AK9: variants seen among roughly 807,000 people sequenced by gnomAD.
AK9 encodes the protein adenylate kinase domain containing 1.
A neutral mutation model predicts 239.6 loss-of-function variants in AK9; 191 were observed. The ratio of observed to expected loss-of-function variants is 0.80; its 90% CI spans 0.71 to 0.90. The LOEUF (loss-of-function observed/expected upper bound fraction) is 0.90, where lower values mean the gene tolerates loss of function less well. Among genes scored for constraint, AK9 ranks in the 40% least tolerant of loss-of-function variants. The probability of loss-of-function intolerance (pLI) is 0.00; values close to 1 mark genes in which losing one functional copy is unlikely to be tolerated. For synonymous variants in AK9, 689 were observed against 721.0 expected (o/e 0.96, Z 0.71); for missense variants, 1,995 against 2,214.7 (o/e 0.90, Z 1.99).
At chr6:109,559,415 C>T (rs139054435) in intron 24 of AK9, among the ~76,000 whole-genome samples, 3,057 of 151,910 alleles carry the variant, frequency 0.02, 82 homozygotes, top group East Asian at 0.11. Flanking sequence ...GATCTGCCCG[C>T]CTTGGCCTCC....
chr6:109,627,940 G>A (rs536407372), intron 12 of AK9, among the ~76,000 whole-genome samples: 1 of 152,208 alleles, frequency 6.6e-6, no homozygotes, highest in Non-Finnish European at 1.5e-5. Context: ...CACTGCAACC[G>A]GCCTGAACTT....
intron 13 of AK9, among the ~76,000 whole-genome samples, chr6:109,617,494 T>C (rs1255492647): frequency 2.0e-5 from 3 of 152,098 alleles, no homozygotes; most frequent in Admixed American, 1.3e-4. Context: ...TCCAGAAGTT[T>C]ATACATACAC....
chr6:109,620,164 G>A (rs1794644488), intron 12 of AK9, among the ~76,000 whole-genome samples: 1 of 152,038 alleles, frequency 6.6e-6, no homozygotes, highest in Admixed American at 6.6e-5. Flanking sequence ...CTTCTCTTGG[G>A]TAAATACCTA....
At chr6:109,509,096 A>T in intron 33 of AK9, 83 bp downstream of exon 33, 1 of 1,324,478 alleles carries the variant, frequency 7.6e-7, no homozygotes, top group Non-Finnish European at 1.0e-6. Context: ...TTTAAGCCCC[A>T]TGTAAGTGTT....
At chr6:109,598,773 G>C (rs1314430329) in intron 17 of AK9, among the ~76,000 whole-genome samples, 1 of 152,184 alleles carries the variant, frequency 6.6e-6, no homozygotes, top group East Asian at 1.9e-4. Context: ...ATTCTAACTG[G>C]TGTGAGATGG....
intron 27 of AK9, among the ~76,000 whole-genome samples, chr6:109,536,133 C>T (rs1201219271): frequency 6.6e-6 from 1 of 152,156 alleles, no homozygotes; most frequent in South Asian, 2.1e-4. Flanking sequence ...TTTTTTTCCA[C>T]TTCTGTGAAG....
At chr6:109,539,227 C>T (rs1213746646) in intron 27 of AK9, among the ~76,000 whole-genome samples, 2 of 152,212 alleles carry the variant, frequency 1.3e-5, no homozygotes, top group Admixed American at 6.5e-5. Flanking sequence ...CTCCCTGTCA[C>T]TTTCAGGTAC....
chr6:109,572,942 C>G (rs1266701951), intron 21 of AK9, among the ~76,000 whole-genome samples: 1 of 152,044 alleles, frequency 6.6e-6, no homozygotes, highest in Non-Finnish European at 1.5e-5. Context: ...TGAGGTAGGG[C>G]TTAAAGAGTT....
Position 109,691,168 on chromosome 6 carries a change from C to A in AK9, c.-33G>T. The A allele has an allele frequency of 1.7e-6, 1 of 572,756 alleles. No homozygotes were observed. Among genetic ancestry groups the A allele is most frequent in the Non-Finnish European group, 3.1e-6 (1 of 319,850 alleles). 35.5% of individuals were successfully genotyped at this position (572,756 alleles called of 1,614,324 possible). A position where few individuals can be genotyped will look rare whatever the true frequency, so the allele number is the denominator to read the frequency against. ...TTACCAAAGATGGTGCCCTTCGCTT[C>A]CTCTCTCGGCAGCACGCAGGTCCCG... is the stretch of plus-strand genomic sequence containing the variant. On this transcript the variant is annotated 5_prime_UTR_variant, in exon 1 of 41. Transcript: ENST00000424296.
intron 27 of AK9, among the ~76,000 whole-genome samples, chr6:109,540,896 C>T (rs1782792846): frequency 1.3e-5 from 2 of 152,160 alleles, no homozygotes; most frequent in Admixed American, 1.3e-4. Context: ...TGGAGTTTCT[C>T]CATCTGAATG....
chr6:109,567,744 GA>G (rs1448849767), intron 21 of AK9, among the ~76,000 whole-genome samples: 2 of 99,324 alleles, frequency 2.0e-5, no homozygotes, highest in African/African-American at 3.9e-5. Flanking sequence ...GGGGTGGGGG[GA>G]GGGGGGAGGG....
chr6:109,582,822 C>A (rs1396261476), intron 19 of AK9, among the ~76,000 whole-genome samples: 1 of 152,002 alleles, frequency 6.6e-6, no homozygotes, highest in Non-Finnish European at 1.5e-5. Flanking sequence ...GAGTAATAAA[C>A]AGATACAACA....
At chr6:109,547,609 G>T (rs1338857623) in intron 25 of AK9, among the ~76,000 whole-genome samples, 2 of 152,032 alleles carry the variant, frequency 1.3e-5, no homozygotes, top group Non-Finnish European at 2.9e-5. Flanking sequence ...AAACATTGGG[G>T]AAGTGCTACA....
In AK9 at chr6:109,684,872, TCAAA is replaced by T. The variant is rs1773253436; in HGVS notation, c.-12+6271_-12+6274del. On this transcript the variant is annotated intron_variant, in intron 1 of 40. Transcript: ENST00000424296. ...CTGGGCGACAGAGTGAGACTCCGTC[TCAAA>T]AAAAAAAAAAAAAAAAAAAAAAAAA... Among the ~76,000 whole-genome samples, 4 of 21,878 alleles carry T rather than the reference TCAAA, an allele frequency of 1.8e-4. No homozygotes were observed. In the South Asian group the frequency reaches 0.013, roughly 71 times the overall value. 14.4% of individuals were successfully genotyped at this position (21,878 alleles called of 152,430 possible). A position where few individuals can be genotyped will look rare whatever the true frequency, so the allele number is the denominator to read the frequency against.
At chr6:109,505,688 T>C (rs1778037892) in intron 35 of AK9, among the ~76,000 whole-genome samples, 1 of 152,202 alleles carries the variant, frequency 6.6e-6, no homozygotes. Flanking sequence ...CCAAACACTA[T>C]ATACCCTTTT....
intron 32 of AK9, among the ~76,000 whole-genome samples, chr6:109,510,741 C>T (rs918908921): frequency 6.6e-6 from 1 of 152,294 alleles, no homozygotes; most frequent in East Asian, 1.9e-4. Flanking sequence ...GGATGCAGGA[C>T]AAGAATTTGG....
chr6:109,679,617 T>G (rs1213327142), intron 1 of AK9, among the ~76,000 whole-genome samples: 1 of 152,124 alleles, frequency 6.6e-6, no homozygotes, highest in Non-Finnish European at 1.5e-5. Context: ...AGGGTCAGAC[T>G]GCCTCCTGAA....
At chr6:109,650,074 A>G (rs1424165337) in intron 8 of AK9, among the ~76,000 whole-genome samples, 1 of 152,270 alleles carries the variant, frequency 6.6e-6, no homozygotes, top group Non-Finnish European at 1.5e-5. Flanking sequence ...CACCTCATAC[A>G]AAAATTAATT....
At chr6:109,690,138 G>A (rs992370748) in intron 1 of AK9, among the ~76,000 whole-genome samples, 4 of 151,934 alleles carry the variant, frequency 2.6e-5, no homozygotes, top group Non-Finnish European at 4.4e-5. Context: ...TTTTTTTAAA[G>A]TTTCCTTACA....
Sources: gnomAD v4.1 joint callset for allele counts (sites outside exome capture counted in the v4.1 genomes callset) on GRCh38, gnomAD v4.1.1 for gene constraint, MANE v1.5 for transcripts, NCBI Gene and HGNC (gene_info 2026-07-23, HGNC 2026-07-21) for gene names.